PIK3C2A: variants seen among roughly 807,000 people sequenced by gnomAD.
The protein encoded by PIK3C2A is phosphatidylinositol-4-phosphate 3-kinase catalytic subunit type 2 alpha.
A neutral mutation model predicts 204.5 loss-of-function variants in PIK3C2A; 97 were observed. That is an observed-to-expected ratio of 0.47 (90% CI 0.40 to 0.56). PIK3C2A has a LOEUF of 0.56. Ranked by LOEUF, PIK3C2A falls within the 20% of genes least tolerant of loss-of-function variation. The pLI is 0.00. For synonymous variants in PIK3C2A, 653 were observed against 664.4 expected, an observed-to-expected ratio of 0.98 and a Z score of 0.26; for missense variants, 1,735 against 1,969.2, an observed-to-expected ratio of 0.88 and a Z score of 2.25.
chr11:17,105,419 T>A (rs541005893), intron 22 of PIK3C2A, 114 bp from the exon 23 acceptor site: 156 of 841,936 alleles, frequency 1.9e-4, no homozygotes, highest in Non-Finnish European at 2.7e-4. Context: ...GGGATACACG[T>A]GCAGAATGTG....
chr11:17,206,346 ATC>A (rs1852573091), intron 1 of PIK3C2A, among the ~76,000 whole-genome samples: 2 of 152,272 alleles, frequency 1.3e-5, no homozygotes, highest in South Asian at 4.1e-4. Flanking sequence ...AACAAATAAA[ATC>A]TCTCTATTCC....
intron 13 of PIK3C2A, among the ~76,000 whole-genome samples, chr11:17,123,448 G>C (rs1374212568): frequency 7.1e-6 from 1 of 140,374 alleles, no homozygotes; most frequent in Non-Finnish European, 1.5e-5. Context: ...TTGTAGAGAA[G>C]GGGTTTCGCC....
At chr11:17,157,218 G>C (rs528877475) in intron 2 of PIK3C2A, among the ~76,000 whole-genome samples, 5 of 152,212 alleles carry the variant, frequency 3.3e-5, no homozygotes, top group Admixed American at 3.3e-4. Context: ...GTACCACTGT[G>C]GGAGGCCAAG....
At position 17,101,450 on chromosome 11, in the gene PIK3C2A, G is replaced by C; in HGVS notation, c.3852-16C>G. 7.0e-7 allele frequency: 1 copy of C among 1,436,962 alleles called. No homozygotes were observed. Among genetic ancestry groups the C allele is most frequent in the South Asian group, 1.4e-5 (1 of 70,202 alleles). The allele number at this position is 1,436,962 out of a possible 1,614,324, so 89.0% of individuals were successfully genotyped here. ...AGCCCGATCCCTATTTAAAATGAAA[G>C]TACATACAAAATATTATTTACAGAA... On this transcript the variant is annotated splice_polypyrimidine_tract_variant and intron_variant, in intron 24 of 32. Transcript: ENST00000691414.
intron 1 of PIK3C2A, among the ~76,000 whole-genome samples, chr11:17,201,742 T>C (rs1852392556): frequency 6.6e-6 from 1 of 152,190 alleles, no homozygotes; most frequent in Admixed American, 6.6e-5. Context: ...TTATCTATTT[T>C]CCATTTGACT....
intron 2 of PIK3C2A, among the ~76,000 whole-genome samples, chr11:17,165,782 G>GAGA (rs1850924479): frequency 1.3e-5 from 1 of 78,854 alleles, no homozygotes; most frequent in East Asian, 5.8e-4. Context: ...TCAAAAAAGT[G>GAGA]AAAAAAAAAA....
intron 6 of PIK3C2A, among the ~76,000 whole-genome samples, chr11:17,147,022 C>CT (rs771168050): frequency 6.6e-6 from 1 of 152,010 alleles, no homozygotes; most frequent in Non-Finnish European, 1.5e-5. Flanking sequence ...TTCTATTTTG[C>CT]TTTAACCTCA....
In PIK3C2A at chr11:17,136,655, G is replaced by C. The variant is rs1433049807; in HGVS notation, c.1705-30C>G. ...AAAAATAAAAAATAAAATAAAAATA[G>C]GTAGGTGAAATTTAAAGGACCAATT... On this transcript the variant is annotated intron_variant, in intron 8 of 32. Coordinates refer to ENST00000691414, the MANE Select transcript of PIK3C2A (RefSeq NM_002645.4). The C allele has an allele frequency of 2.3e-5, 31 of 1,358,850 alleles. 1 individual carries two copies. The Admixed American group carries it at 7.2e-4, about 32-fold the overall frequency. 84.2% of individuals were successfully genotyped at this position (1,358,850 alleles called of 1,614,324 possible). A position where few individuals can be genotyped will look rare whatever the true frequency, so the allele number is the denominator to read the frequency against.
At chr11:17,134,217 AT>A in intron 11 of PIK3C2A, among the ~76,000 whole-genome samples, 1 of 151,936 alleles carries the variant, frequency 6.6e-6, no homozygotes, top group Non-Finnish European at 1.5e-5. Context: ...TTTTCTTTTT[AT>A]TTTTTTGAGA....
chr11:17,090,542 G>T (rs772216790), intron 32 of PIK3C2A, among the ~76,000 whole-genome samples: 2 of 152,098 alleles, frequency 1.3e-5, no homozygotes, highest in Non-Finnish European at 2.9e-5. Flanking sequence ...TGAATAGTCT[G>T]GAAGTAATTA....
chr11:17,156,327 A>G (rs1850588035), intron 2 of PIK3C2A, among the ~76,000 whole-genome samples: 2 of 152,242 alleles, frequency 1.3e-5, no homozygotes, highest in African/African-American at 2.4e-5. Context: ...CAGTGAGAAC[A>G]AAGTGCGTAT....
At chr11:17,183,246 G>A (rs635802) in intron 1 of PIK3C2A, among the ~76,000 whole-genome samples, 88,049 of 152,080 alleles carry the variant, frequency 0.58, 25,830 homozygotes, top group East Asian at 0.82. Context: ...CACAGTCAAA[G>A]GTGGTCCAAA....
intron 22 of PIK3C2A, among the ~76,000 whole-genome samples, chr11:17,106,412 A>G (rs1848819939): frequency 6.6e-6 from 1 of 152,104 alleles, no homozygotes; most frequent in African/African-American, 2.4e-5. Context: ...CCTGTCTTCA[A>G]AAAAAATAAA....
At chr11:17,178,470 G>A (rs1234976210) in intron 1 of PIK3C2A, among the ~76,000 whole-genome samples, 1 of 152,028 alleles carries the variant, frequency 6.6e-6, no homozygotes, top group East Asian at 1.9e-4. Flanking sequence ...CTTTCCATAC[G>A]CCAATAAAAT....
chr11:17,160,743 G>A (rs1010288085), intron 2 of PIK3C2A, among the ~76,000 whole-genome samples: 4 of 151,932 alleles, frequency 2.6e-5, no homozygotes, highest in South Asian at 2.1e-4. Flanking sequence ...AGGATGGCTC[G>A]AACCCAGGAG....
At chr11:17,144,674 C>T (rs1850170860) in intron 8 of PIK3C2A, among the ~76,000 whole-genome samples, 1 of 151,928 alleles carries the variant, frequency 6.6e-6, no homozygotes, top group East Asian at 1.9e-4. Context: ...GTGGGAGGAT[C>T]ACTTGAGGTC....
At chr11:17,153,625 A>G (rs1850489445) in intron 3 of PIK3C2A, among the ~76,000 whole-genome samples, 1 of 152,190 alleles carries the variant, frequency 6.6e-6, no homozygotes, top group South Asian at 2.1e-4. Context: ...CCAACTCTTT[A>G]ATTTCACAGA....
chr11:17,194,304 A>C (rs1399166948), intron 1 of PIK3C2A: 1 of 303,756 alleles, frequency 3.3e-6, no homozygotes, highest in Non-Finnish European at 6.3e-6. Flanking sequence ...AAGGCTTCAG[A>C]GTAGGTATCT....
chr11:17,136,261 T>A (rs1849868736), intron 9 of PIK3C2A, among the ~76,000 whole-genome samples: 1 of 152,170 alleles, frequency 6.6e-6, no homozygotes, highest in African/African-American at 2.4e-5. Context: ...ACACAAAGGG[T>A]TCACAGTTTG....
Sources: allele counts gnomAD v4.1 joint callset (sites outside exome capture counted in the v4.1 genomes callset), GRCh38; gene constraint gnomAD v4.1.1; transcripts MANE v1.5; gene names NCBI Gene and HGNC (gene_info 2026-07-23, HGNC 2026-07-21).